The following TLL1 variants were observed in gnomAD, a reference collection of about 807,000 sequenced individuals.
TLL1 encodes tolloid like 1.
A neutral mutation model predicts 128.2 loss-of-function variants in TLL1; 49 were observed. That is an observed-to-expected ratio of 0.38 (90% confidence interval 0.30 to 0.48). The LOEUF is 0.48. TLL1 is among the 20% of genes least tolerant of loss of function. TLL1 has a pLI of 0.96. For synonymous variants in TLL1, 454 were observed against 418.8 expected, an observed-to-expected ratio of 1.08 and a Z score of -1.03; for missense variants, 1,123 against 1,242.0, an observed-to-expected ratio of 0.90 and a Z score of 1.44.
At chr4:166,001,236 G>A (rs981774158) in intron 5 of TLL1, among the ~76,000 whole-genome samples, 8 of 152,076 alleles carry the variant, frequency 5.3e-5, no homozygotes, top group East Asian at 3.9e-4. Flanking sequence ...ATTCAAAGCC[G>A]ACCATTTAGT....
chr4:166,082,825 C>T (rs1741351016), intron 18 of TLL1, among the ~76,000 whole-genome samples: 1 of 151,884 alleles, frequency 6.6e-6, no homozygotes, highest in Non-Finnish European at 1.5e-5. Context: ...TTACAGGCGC[C>T]TGCCACCACC....
chr4:165,982,192 A>G (rs557717495), intron 1 of TLL1, among the ~76,000 whole-genome samples: 6 of 152,082 alleles, frequency 3.9e-5, no homozygotes, highest in Admixed American at 3.3e-4. Flanking sequence ...TGTGGCTCAA[A>G]TAGAATAATG....
At chr4:166,048,736 T>C (rs771118724) in intron 12 of TLL1, among the ~76,000 whole-genome samples, 1 of 152,178 alleles carries the variant, frequency 6.6e-6, no homozygotes, top group Non-Finnish European at 1.5e-5. Flanking sequence ...GAAATAAACC[T>C]GGAGCTTACT....
chr4:166,031,418 G>A (rs1579648839), intron 9 of TLL1, among the ~76,000 whole-genome samples: 1 of 144,202 alleles, frequency 6.9e-6, no homozygotes, highest in Non-Finnish European at 1.5e-5. Flanking sequence ...GCCCAGACTG[G>A]AGTGTAATGG....
At chr4:165,894,148 G>A (rs1038866720) in intron 1 of TLL1, among the ~76,000 whole-genome samples, 18 of 152,064 alleles carry the variant, frequency 1.2e-4, no homozygotes, top group African/African-American at 2.7e-4. Flanking sequence ...TGTCTGAAGC[G>A]ATAATGGCCA....
intron 9 of TLL1, among the ~76,000 whole-genome samples, chr4:166,031,734 T>C (rs969731740): frequency 3.3e-5 from 5 of 152,126 alleles, no homozygotes; most frequent in Admixed American, 6.6e-5. Context: ...ATTTGAAAAG[T>C]AATAGGTCAA....
At chr4:165,947,481 C>T (rs1347205367) in intron 1 of TLL1, among the ~76,000 whole-genome samples, 1 of 151,882 alleles carries the variant, frequency 6.6e-6, no homozygotes, top group African/African-American at 2.4e-5. Context: ...AACTGTCAAA[C>T]AAAAAGGAGC....
chr4:166,070,440 C>G lies in TLL1; in HGVS notation c.2189-4438C>G, dbSNP rs573373034. On this transcript the variant is annotated intron_variant, in intron 16 of 20. Coordinates refer to ENST00000061240, the MANE Select transcript of TLL1 (RefSeq NM_012464.5). Reference sequence around the variant, plus strand: ...ATGACTTCAGGCAATGAGAGTTGAGCATAGGCATTCTGCCTTTTATAGGCA... The same window carrying G: ...ATGACTTCAGGCAATGAGAGTTGAGGATAGGCATTCTGCCTTTTATAGGCA... 1.4e-4 allele frequency among the ~76,000 whole-genome samples: 22 copies of G among 152,026 alleles called. 1 individual carries two copies. Among genetic ancestry groups the G allele is most frequent in the South Asian group, 6.2e-4 (3 of 4,826 alleles).
chr4:166,016,893 C>T (rs2111055164), intron 8 of TLL1, among the ~76,000 whole-genome samples: 1 of 151,474 alleles, frequency 6.6e-6, no homozygotes, highest in Middle Eastern at 3.4e-3. Flanking sequence ...TTTTAGTTCC[C>T]CAAATCTTTG....
At chr4:165,902,555 C>T (rs989249201) in intron 1 of TLL1, among the ~76,000 whole-genome samples, 3 of 152,168 alleles carry the variant, frequency 2.0e-5, no homozygotes, top group African/African-American at 7.2e-5. Flanking sequence ...ACTCCTTCTG[C>T]TTCCTGGGTG....
intron 1 of TLL1, among the ~76,000 whole-genome samples, chr4:165,903,372 G>A (rs1732088053): frequency 6.7e-6 from 1 of 148,888 alleles, no homozygotes; most frequent in Non-Finnish European, 1.5e-5. Flanking sequence ...ATACTGTATT[G>A]TATACTAAAA....
At chr4:166,012,283 A>G (rs982643078) in intron 7 of TLL1, among the ~76,000 whole-genome samples, 1 of 151,538 alleles carries the variant, frequency 6.6e-6, no homozygotes, top group African/African-American at 2.4e-5. Flanking sequence ...TGCATTGCTT[A>G]CTTGTCAGGA....
chr4:165,909,350 G>A lies in TLL1; in HGVS notation c.169+35277G>A, dbSNP rs79434251. ...TGCCAATTAAACATTCAAACGGTAA[G>A]TTCAAGTAGGCAAGTGGACACAGAT... On this transcript the variant is annotated intron_variant, in intron 1 of 20. Coordinates refer to ENST00000061240, the MANE Select transcript of TLL1 (RefSeq NM_012464.5). 4.3e-3 allele frequency among the ~76,000 whole-genome samples: 657 copies of A among 152,318 alleles called. 3 individuals are homozygous for A. Among genetic ancestry groups the A allele is most frequent in the African/African-American group, 0.014 (576 of 41,566 alleles).
At chr4:165,957,496 T>C (rs998519408) in intron 1 of TLL1, among the ~76,000 whole-genome samples, 11 of 151,822 alleles carry the variant, frequency 7.2e-5, no homozygotes, top group African/African-American at 2.7e-4. Flanking sequence ...TTTTTAAATG[T>C]AATTTATTTA....
chr4:166,007,475 T>C (rs17505658), intron 6 of TLL1, among the ~76,000 whole-genome samples: 21,904 of 151,642 alleles, frequency 0.14, 2,137 homozygotes, highest in Non-Finnish European at 0.19. Context: ...GAGCTCTGTT[T>C]AACTAATATT....
At chr4:165,878,254 T>C (rs1300106681) in intron 1 of TLL1, among the ~76,000 whole-genome samples, 1 of 152,230 alleles carries the variant, frequency 6.6e-6, no homozygotes. Context: ...AACATTTATT[T>C]CTTAGTCGGT....
At position 165,896,038 on chromosome 4, in the gene TLL1, C is replaced by G. The variant is rs558071838; in HGVS notation, c.169+21965C>G. Among the ~76,000 whole-genome samples the G allele has an allele frequency of 3.9e-5, 6 of 152,164 alleles. No homozygotes were observed. In the East Asian group the frequency reaches 1.2e-3, roughly 29 times the overall value. ...CATGGTGGTTTGCTGCACCCATCAA[C>G]CCATCATCTACATTAGGTATTTCTC... On this transcript the variant is annotated intron_variant, in intron 1 of 20. Coordinates refer to ENST00000061240, the MANE Select transcript of TLL1 (RefSeq NM_012464.5).
chr4:165,918,821 C>T (rs1000870734), intron 1 of TLL1, among the ~76,000 whole-genome samples: 5 of 152,034 alleles, frequency 3.3e-5, no homozygotes, highest in Non-Finnish European at 7.4e-5. Context: ...TGGATGACCC[C>T]AGATGAATCA....
At chr4:165,971,571 T>C (rs1475138882) in intron 1 of TLL1, among the ~76,000 whole-genome samples, 2 of 152,158 alleles carry the variant, frequency 1.3e-5, no homozygotes, top group African/African-American at 4.8e-5. Flanking sequence ...TGGCTTCTGG[T>C]AGAAAACTGC....
Sources: gnomAD v4.1 joint callset for allele counts (sites outside exome capture counted in the v4.1 genomes callset) on GRCh38, gnomAD v4.1.1 for gene constraint, MANE v1.5 for transcripts, NCBI Gene and HGNC (gene_info 2026-07-23, HGNC 2026-07-21) for gene names.